PCSK6: variants seen among roughly 807,000 people sequenced by gnomAD.
PCSK6 encodes the protein proprotein convertase subtilisin/kexin type 6.
A neutral mutation model predicts 123.3 loss-of-function variants in PCSK6; 85 were observed. That is an observed-to-expected ratio of 0.69 (90% CI 0.58 to 0.83). The LOEUF (loss-of-function observed/expected upper bound fraction) is 0.83. Among genes scored for constraint, PCSK6 ranks in the 40% least tolerant of loss-of-function variants. The probability of loss-of-function intolerance (pLI) is 0.00; values close to 1 mark genes in which losing one functional copy is unlikely to be tolerated. For synonymous variants in PCSK6, 508 were observed against 516.0 expected, an observed-to-expected ratio of 0.98 and a Z score of 0.21; for missense variants, 1,191 against 1,282.3, an observed-to-expected ratio of 0.93 and a Z score of 1.09.
At chr15:101,477,874 C>T (rs1475344895) in intron 1 of PCSK6, among the ~76,000 whole-genome samples, 1 of 152,214 alleles carries the variant, frequency 6.6e-6, no homozygotes, top group Non-Finnish European at 1.5e-5. Flanking sequence ...CTCTTAGACT[C>T]TACATCAAGA....
chr15:101,484,774 TGA>T (rs1248616935), intron 1 of PCSK6, among the ~76,000 whole-genome samples: 1 of 152,216 alleles, frequency 6.6e-6, no homozygotes, highest in East Asian at 1.9e-4. Flanking sequence ...CAACACTATT[TGA>T]GAGATGTATC....
At chr15:101,370,705 T>C (rs1210103968) in intron 11 of PCSK6, among the ~76,000 whole-genome samples, 182 bp from the exon 12 acceptor site, 1 of 152,286 alleles carries the variant, frequency 6.6e-6, no homozygotes, top group East Asian at 1.9e-4. Flanking sequence ...CTTTATCACC[T>C]GTCCTGAAGA....
At chr15:101,394,180 A>T (rs2042330847) in intron 7 of PCSK6, among the ~76,000 whole-genome samples, 1 of 133,118 alleles carries the variant, frequency 7.5e-6, no homozygotes, top group African/African-American at 2.9e-5. Context: ...TTGCTACGTT[A>T]CCCAGGCTGG....
At chr15:101,485,020 T>G (rs1188479055) in intron 1 of PCSK6, among the ~76,000 whole-genome samples, 1 of 152,194 alleles carries the variant, frequency 6.6e-6, no homozygotes, top group African/African-American at 2.4e-5. Context: ...ATCGCCAAAT[T>G]GCTCTCCAAA....
chr15:101,435,760 T>C (rs2056581186), intron 2 of PCSK6, among the ~76,000 whole-genome samples: 1 of 152,236 alleles, frequency 6.6e-6, no homozygotes, highest in Non-Finnish European at 1.5e-5. Context: ...ATCCGTTGAC[T>C]GTCCCTCTGT....
chr15:101,372,656 G>C (rs1336269056), intron 11 of PCSK6, among the ~76,000 whole-genome samples: 1 of 152,144 alleles, frequency 6.6e-6, no homozygotes, highest in Admixed American at 6.5e-5. Context: ...AGAATGTAAG[G>C]TGGGTACGTT....
chr15:101,355,879 C>T (rs572779524), intron 13 of PCSK6, among the ~76,000 whole-genome samples: 16 of 152,116 alleles, frequency 1.1e-4, no homozygotes, highest in Non-Finnish European at 1.8e-4. Context: ...ACGTAGGCTC[C>T]GAGGCAAGAA....
chr15:101,319,286 G>A (rs2040062780), intron 18 of PCSK6, among the ~76,000 whole-genome samples: 1 of 152,114 alleles, frequency 6.6e-6, no homozygotes, highest in South Asian at 2.1e-4. Flanking sequence ...AGTCTGTGAC[G>A]TACATGTTCT....
intron 13 of PCSK6, among the ~76,000 whole-genome samples, chr15:101,353,301 G>A (rs1419296788): frequency 2.0e-5 from 3 of 152,192 alleles, no homozygotes; most frequent in African/African-American, 4.8e-5. Flanking sequence ...GCACTCCTAT[G>A]AGAATCTAGT....
chr15:101,318,500 A>G, intron 18 of PCSK6, 78 bp from the exon 19 acceptor site: 1 of 1,197,220 alleles, frequency 8.4e-7, no homozygotes, highest in Admixed American at 2.0e-5. Flanking sequence ...ACCTTTCCCA[A>G]GAGGAGATGT....
intron 6 of PCSK6, among the ~76,000 whole-genome samples, chr15:101,426,440 C>T (rs2056257894): frequency 6.6e-6 from 1 of 152,234 alleles, no homozygotes; most frequent in Non-Finnish European, 1.5e-5. Flanking sequence ...CACCCATCAT[C>T]AAAGGCTCCA....
chr15:101,415,030 G>C (rs947806628), intron 6 of PCSK6, among the ~76,000 whole-genome samples: 8 of 152,148 alleles, frequency 5.3e-5, no homozygotes, highest in African/African-American at 1.9e-4. Context: ...TACAATTAAA[G>C]GGCAAAAATG....
intron 1 of PCSK6, among the ~76,000 whole-genome samples, chr15:101,481,018 C>T (rs2057865219): frequency 6.6e-6 from 1 of 152,152 alleles, no homozygotes; most frequent in African/African-American, 2.4e-5. Context: ...CTCTAAGTGC[C>T]CAGGCCAGTG....
intron 7 of PCSK6, among the ~76,000 whole-genome samples, chr15:101,396,340 C>T (rs2042411970): frequency 6.6e-6 from 1 of 152,082 alleles, no homozygotes; most frequent in African/African-American, 2.4e-5. Context: ...CTCAGTGAAC[C>T]AGAGAGCCCG....
At chr15:101,480,072 GA>G (rs1339902804) in intron 1 of PCSK6, among the ~76,000 whole-genome samples, 1 of 152,230 alleles carries the variant, frequency 6.6e-6, no homozygotes, top group East Asian at 1.9e-4. Flanking sequence ...TTCCTTGCAG[GA>G]ACGTGAGTGA....
At chr15:101,363,856 T>A (rs2041310384) in intron 13 of PCSK6, among the ~76,000 whole-genome samples, 1 of 151,770 alleles carries the variant, frequency 6.6e-6, no homozygotes, top group African/African-American at 2.4e-5. Context: ...GCCAGGATGG[T>A]CTCGATCTCC....
At chr15:101,475,631 G>A (rs547275523) in intron 1 of PCSK6, among the ~76,000 whole-genome samples, 15 of 149,454 alleles carry the variant, frequency 1.0e-4, no homozygotes, top group South Asian at 4.2e-4. Flanking sequence ...GACCACAGGC[G>A]TACACCACCA....
chr15:101,425,500 A>C (rs1181235420), intron 6 of PCSK6, among the ~76,000 whole-genome samples: 1 of 152,146 alleles, frequency 6.6e-6, no homozygotes, highest in African/African-American at 2.4e-5. Context: ...CACTCAAGAG[A>C]CTATAATGCA....
intron 13 of PCSK6, among the ~76,000 whole-genome samples, chr15:101,356,505 C>CA (rs34350017): frequency 0.053 from 4,593 of 86,036 alleles, 102 homozygotes; most frequent in South Asian, 0.1. Context: ...ACTAAAACTA[C>CA]AAAAAAAAAA....
Sources: allele counts gnomAD v4.1 joint callset (sites outside exome capture counted in the v4.1 genomes callset), GRCh38; gene constraint gnomAD v4.1.1; transcripts MANE v1.5; gene names NCBI Gene and HGNC (gene_info 2026-07-23, HGNC 2026-07-21).